SCN2A: variants seen among roughly 807,000 people sequenced by gnomAD.
The protein encoded by SCN2A is sodium voltage-gated channel alpha subunit 2, also known as sodium channel protein type 2 subunit alpha.
A neutral mutation model predicts 188.7 loss-of-function variants in SCN2A; 20 were observed. The ratio of observed to expected loss-of-function variants is 0.11; its 90% CI spans 0.07 to 0.15. The LOEUF is 0.15. SCN2A is among the 10% of genes least tolerant of loss of function. The pLI, the probability that SCN2A is intolerant of heterozygous loss-of-function variation, is 1.00. For missense variants in SCN2A, 1,278 were observed against 2,445.0 expected, an observed-to-expected ratio of 0.52 and a Z score of 10.07; for synonymous variants, 804 against 833.1, an observed-to-expected ratio of 0.97 and a Z score of 0.60.
At chr2:165,385,591 C>A (rs890444356) in intron 25 of SCN2A, among the ~76,000 whole-genome samples, 1 of 152,140 alleles carries the variant, frequency 6.6e-6, no homozygotes. Context: ...GTTTTAACAT[C>A]TTATGCAACC....
At chr2:165,318,734 G>A (rs1697903855) in intron 11 of SCN2A, among the ~76,000 whole-genome samples, 1 of 152,160 alleles carries the variant, frequency 6.6e-6, no homozygotes. Flanking sequence ...AAAAGCGATA[G>A]AAACATTCTT....
chr2:165,359,282 T>C (rs1207801323), intron 17 of SCN2A, among the ~76,000 whole-genome samples: 2 of 152,126 alleles, frequency 1.3e-5, no homozygotes, highest in South Asian at 2.1e-4. Flanking sequence ...TTTCCTATTA[T>C]GTATTAATTC....
intron 1 of SCN2A, among the ~76,000 whole-genome samples, chr2:165,280,585 C>T (rs1266427955): frequency 6.6e-6 from 1 of 152,152 alleles, no homozygotes; most frequent in Non-Finnish European, 1.5e-5. Context: ...ATATCCTTAG[C>T]GAAGACTGAC....
chr2:165,293,379 C>T (rs1020294303), intron 1 of SCN2A, among the ~76,000 whole-genome samples: 2 of 152,000 alleles, frequency 1.3e-5, no homozygotes, highest in Non-Finnish European at 2.9e-5. Flanking sequence ...TTGTGTGTAC[C>T]TCATAGAGTG....
intron 16 of SCN2A, among the ~76,000 whole-genome samples, chr2:165,353,123 T>C (rs1700012985): frequency 6.6e-6 from 1 of 152,102 alleles, no homozygotes; most frequent in Non-Finnish European, 1.5e-5. Flanking sequence ...TGGTGGAGCC[T>C]ATTTTTAAAG....
chr2:165,309,567 G>T (rs41268659), intron 6 of SCN2A, 124 bp downstream of exon 6: 2 of 1,157,540 alleles, frequency 1.7e-6, no homozygotes, highest in Non-Finnish European at 2.5e-6. Context: ...GCAAGAATTG[G>T]TACATCATTT....
chr2:165,315,001 C>A (rs906132451), intron 10 of SCN2A, among the ~76,000 whole-genome samples: 4 of 152,050 alleles, frequency 2.6e-5, no homozygotes, highest in African/African-American at 7.2e-5. Flanking sequence ...ATTTAAATCA[C>A]GGAGAAAAAT....
At chr2:165,268,484 T>C (rs1694971537) in intron 1 of SCN2A, 1 of 151,848 alleles carries the variant, frequency 6.6e-6, no homozygotes, top group Admixed American at 6.6e-5. Flanking sequence ...AAATACAGTA[T>C]CCCTTTATGG....
chr2:165,342,004 A>T (rs1436909098), intron 14 of SCN2A, among the ~76,000 whole-genome samples: 1 of 152,192 alleles, frequency 6.6e-6, no homozygotes, highest in Admixed American at 6.5e-5. Flanking sequence ...TAGAAAGATC[A>T]GAGACAGAGC....
chr2:165,258,953 G>A (rs1020206472), intron 1 of SCN2A, among the ~76,000 whole-genome samples: 1 of 152,150 alleles, frequency 6.6e-6, no homozygotes, highest in Admixed American at 6.5e-5. Context: ...GGTGAGAGGA[G>A]GAAGAGGATC....
intron 17 of SCN2A, among the ~76,000 whole-genome samples, chr2:165,355,278 G>A (rs111966487): frequency 6.6e-6 from 1 of 152,118 alleles, no homozygotes; most frequent in South Asian, 2.1e-4. Flanking sequence ...TGAGCTCAGT[G>A]TTCACTGTTT....
intron 1 of SCN2A, among the ~76,000 whole-genome samples, chr2:165,247,332 G>T (rs184462487): frequency 6.6e-6 from 1 of 151,836 alleles, no homozygotes; most frequent in East Asian, 1.9e-4. Context: ...GAAAGTGTTT[G>T]CTGTATTCTC....
intron 6 of SCN2A, among the ~76,000 whole-genome samples, chr2:165,309,740 G>A (rs1697333894): frequency 6.6e-6 from 1 of 152,118 alleles, no homozygotes; most frequent in Non-Finnish European, 1.5e-5. Flanking sequence ...TAGACTAAGA[G>A]ACATTCAGAC....
chr2:165,327,356 CTA>C (rs1698412407), intron 13 of SCN2A: 1 of 211,720 alleles, frequency 4.7e-6, no homozygotes, highest in Non-Finnish European at 9.6e-6. Flanking sequence ...TTATAAAATC[CTA>C]TGACTTAACC....
At chr2:165,280,114 A>T (rs1164584281) in intron 1 of SCN2A, among the ~76,000 whole-genome samples, 1 of 152,202 alleles carries the variant, frequency 6.6e-6, no homozygotes, top group Non-Finnish European at 1.5e-5. Flanking sequence ...CTTTATCAGC[A>T]GCGTGAAAAC....
At chr2:165,366,968 T>C (rs1016967630) in intron 18 of SCN2A, among the ~76,000 whole-genome samples, 2 of 152,166 alleles carry the variant, frequency 1.3e-5, no homozygotes, top group Non-Finnish European at 2.9e-5. Context: ...CTATTTTTTA[T>C]ATATTGTGTT....
intron 1 of SCN2A, among the ~76,000 whole-genome samples, chr2:165,259,120 G>A (rs1368864754): frequency 6.6e-6 from 1 of 152,150 alleles, no homozygotes; most frequent in African/African-American, 2.4e-5. Flanking sequence ...CTATACTATA[G>A]TTTATTAAGT....
chr2:165,379,685 G>A (rs777889884), intron 23 of SCN2A, among the ~76,000 whole-genome samples: 1 of 151,728 alleles, frequency 6.6e-6, no homozygotes, highest in African/African-American at 2.4e-5. Context: ...TCGAAGAATA[G>A]CAGTTTTACA....
At chr2:165,243,309 A>G (rs1427488858) in intron 1 of SCN2A, among the ~76,000 whole-genome samples, 2 of 151,922 alleles carry the variant, frequency 1.3e-5, no homozygotes, top group African/African-American at 2.4e-5. Context: ...GTGTAGAGAG[A>G]GTCAATGTCA....
Sources: gnomAD v4.1 joint callset for allele counts (sites outside exome capture counted in the v4.1 genomes callset) on GRCh38, gnomAD v4.1.1 for gene constraint, MANE v1.5 for transcripts, NCBI Gene and HGNC (gene_info 2026-07-23, HGNC 2026-07-21) for gene names.